VAV2: variants seen among roughly 807,000 people sequenced by gnomAD.
VAV2 encodes guanine nucleotide exchange factor VAV2.
In VAV2, 67 loss-of-function variants were observed where a neutral mutation model predicts 132.5. The observed-to-expected ratio is 0.51, with a 90% CI of 0.42 to 0.62. The LOEUF (loss-of-function observed/expected upper bound fraction) is 0.62. Among genes scored for constraint, VAV2 ranks in the 20% least tolerant of loss-of-function variants. The pLI is 0.00. For missense variants in VAV2, 938 were observed against 1,153.6 expected (o/e 0.81, Z 2.71); for synonymous variants, 492 against 443.5 (o/e 1.11, Z -1.37).
intron 3 of VAV2, among the ~76,000 whole-genome samples, chr9:133,848,480 G>A (rs1837037421): frequency 6.6e-6 from 1 of 152,184 alleles, no homozygotes; most frequent in Non-Finnish European, 1.5e-5. Context: ...CAGCTTGTGA[G>A]TGTTCAAAGT....
intron 1 of VAV2, among the ~76,000 whole-genome samples, chr9:133,947,744 C>A (rs1283894649): frequency 6.6e-6 from 1 of 150,920 alleles, no homozygotes; most frequent in Non-Finnish European, 1.5e-5. Flanking sequence ...TCATCATGAA[C>A]ACTGAGAGGC....
At chr9:133,905,614 G>C (rs757363862) in intron 2 of VAV2, among the ~76,000 whole-genome samples, 26 of 152,050 alleles carry the variant, frequency 1.7e-4, no homozygotes, top group Non-Finnish European at 2.2e-4. Flanking sequence ...GACTGAAGCA[G>C]CACAGAAATG....
At position 133,769,663 on chromosome 9, in the gene VAV2, A is replaced by G. The variant is rs1272210915; in HGVS notation, c.2348-160T>C. ...GAGGCAGGGGGCAGCACGGGTTGTC[A>G]AGCCCCACCCAGGCACAGGTGCCAC... On this transcript the variant is annotated intron_variant, in intron 27 of 29. Transcript: ENST00000371850. The surrounding 1 kb of genome is among the most constrained non-coding windows in gnomAD (Gnocchi z 8.1). 6.6e-6 allele frequency among the ~76,000 whole-genome samples: 1 copy of G among 152,138 alleles called. No homozygotes were observed. The highest frequency in any genetic ancestry group is 1.5e-5 in the Non-Finnish European group (1 of 67,998).
At chr9:133,939,792 A>T (rs1014078357) in intron 1 of VAV2, among the ~76,000 whole-genome samples, 1 of 152,256 alleles carries the variant, frequency 6.6e-6, no homozygotes, top group African/African-American at 2.4e-5. Context: ...CAAAGCCAAC[A>T]GCCAGGGGCC....
At chr9:133,785,210 T>C (rs962916634) in intron 17 of VAV2, among the ~76,000 whole-genome samples, 1 of 152,174 alleles carries the variant, frequency 6.6e-6, no homozygotes, top group African/African-American at 2.4e-5. Context: ...CGAGTGCACC[T>C]GCCTGCAGGC....
At position 133,946,688 on chromosome 9, in the gene VAV2, T is replaced by A. The variant is rs796985571; in HGVS notation, c.205-7469A>T. Among the ~76,000 whole-genome samples the A allele has an allele frequency of 8.5e-5, 13 of 152,378 alleles. 1 individual carries two copies. The highest frequency in any genetic ancestry group is 2.6e-4 in the African/African-American group (11 of 41,584). On this transcript the variant is annotated intron_variant, in intron 1 of 29. Coordinates refer to ENST00000371850, the MANE Select transcript of VAV2 (RefSeq NM_001134398.2). ...CGTCGTGCTGATCAGAAGCTCTGACTGGCAGCTGAGGATGTCTTTGATCAA... is the reference window on the plus strand; with the variant it reads ...CGTCGTGCTGATCAGAAGCTCTGACAGGCAGCTGAGGATGTCTTTGATCAA...
chr9:133,864,847 A>G (rs1837738813), intron 2 of VAV2, among the ~76,000 whole-genome samples: 1 of 152,230 alleles, frequency 6.6e-6, no homozygotes, highest in Non-Finnish European at 1.5e-5. Context: ...TGGACAGGGA[A>G]GCAGAGGGTT....
At position 133,969,301 on chromosome 9, in the gene VAV2, G is replaced by T. The variant is rs555004448; in HGVS notation, c.204+22774C>A. ...GGCATGGTAGAGAATACAACGAACAGGGAAGGAGGGAGGATCTGGAATTCA... is the reference window on the plus strand; with the variant it reads ...GGCATGGTAGAGAATACAACGAACATGGAAGGAGGGAGGATCTGGAATTCA... On this transcript the variant is annotated intron_variant, in intron 1 of 29. Transcript: ENST00000371850. The surrounding 1 kb of genome is among the most constrained non-coding windows in gnomAD (Gnocchi z 5.1). Among the ~76,000 whole-genome samples, 1 of 152,184 alleles carries T rather than the reference G, an allele frequency of 6.6e-6. No individual in the cohort carries two copies. Among genetic ancestry groups the T allele is most frequent in the Non-Finnish European group, 1.5e-5 (1 of 68,034 alleles).
In VAV2 at chr9:133,854,344, C is replaced by T. The variant is rs115282649; in HGVS notation, c.380+7030G>A. Among the ~76,000 whole-genome samples, 542 of 152,372 alleles carry T rather than the reference C, an allele frequency of 3.6e-3. 9 individuals are homozygous for T. The highest frequency in any genetic ancestry group is 0.013 in the African/African-American group (526 of 41,592). On this transcript the variant is annotated intron_variant, in intron 3 of 29. Transcript: ENST00000371850. ...CCATGTGCACATGTACATACACACA[C>T]GCGCACACCCATACACACGCACCAT...
intron 2 of VAV2, among the ~76,000 whole-genome samples, chr9:133,932,285 G>C (rs1480960323): frequency 6.6e-6 from 1 of 152,226 alleles, no homozygotes; most frequent in Non-Finnish European, 1.5e-5. Flanking sequence ...TCTACAGGCC[G>C]TGGCGGGGAG....
rs146206016 is a variant in VAV2 at position 133,879,735 on chromosome 9, G to T, written c.322-18303C>A. Among the ~76,000 whole-genome samples, 1 of 152,032 alleles carries T rather than the reference G, an allele frequency of 6.6e-6. No individual in the cohort carries two copies. The highest frequency in any genetic ancestry group is 1.9e-4 in the East Asian group (1 of 5,166). Reference sequence around the variant, plus strand: ...CAGAACCTATCCGAGAATCCCTACCGCCTTGCGAGCTGCAAGTCCGATCTG... The same window carrying T: ...CAGAACCTATCCGAGAATCCCTACCTCCTTGCGAGCTGCAAGTCCGATCTG... On this transcript the variant is annotated intron_variant, in intron 2 of 29. Transcript: ENST00000371850. This position sits in a 1 kb window ranked among gnomAD's most constrained non-coding sequence, Gnocchi z 4.4.
intron 3 of VAV2, among the ~76,000 whole-genome samples, chr9:133,847,034 G>C (rs1485300731): frequency 6.6e-6 from 1 of 152,192 alleles, no homozygotes; most frequent in African/African-American, 2.4e-5. Context: ...GCCCTGGGTG[G>C]GATGGGGCTG....
rs569085153 is a variant in VAV2, at chr9:133,829,167, G to A, written c.449+5105C>T. ...GTGCCTGCCAAGGAAAAGCCATTAT[G>A]CAAATGCAAGGTACTGATTATTAGA... On this transcript the variant is annotated intron_variant, in intron 4 of 29. Coordinates refer to ENST00000371850, the MANE Select transcript of VAV2 (RefSeq NM_001134398.2). 5.3e-5 allele frequency among the ~76,000 whole-genome samples: 8 copies of A among 152,364 alleles called. No homozygotes were observed. In the South Asian group the frequency reaches 1.7e-3, roughly 32 times the overall value.
At chr9:133,898,497 G>A (rs2810483) in intron 2 of VAV2, among the ~76,000 whole-genome samples, 137,128 of 151,706 alleles carry the variant, frequency 0.9, 63,209 homozygotes, top group East Asian at 1. Flanking sequence ...AGGAGGCTGA[G>A]GCAGGAGAAT....
rs114506581 is a variant in VAV2 at position 133,969,900 on chromosome 9, C to T, written c.204+22175G>A. 0.027 allele frequency among the ~76,000 whole-genome samples: 4,124 copies of T among 152,180 alleles called. 83 individuals carry two copies. Among genetic ancestry groups the T allele is most frequent in the Middle Eastern group, 0.058 (17 of 294 alleles). ...AGCTTTCCAAAGCCAAATCTGAGCA[C>T]GCCACATCTGCACCAACCCTGCCCA... On this transcript the variant is annotated intron_variant, in intron 1 of 29. Transcript: ENST00000371850. The surrounding 1 kb of genome is among the most constrained non-coding windows in gnomAD (Gnocchi z 5.1).
intron 1 of VAV2, among the ~76,000 whole-genome samples, chr9:133,966,267 G>A (rs969900527): frequency 1.3e-5 from 2 of 152,108 alleles, no homozygotes; most frequent in African/African-American, 2.4e-5. Context: ...AGAACAAAAC[G>A]AAAAATAGAC....
At chr9:133,976,003 C>T (rs1209224117) in intron 1 of VAV2, among the ~76,000 whole-genome samples, 1 of 151,256 alleles carries the variant, frequency 6.6e-6, no homozygotes, top group Non-Finnish European at 1.5e-5. Context: ...CAAGACCAGC[C>T]TGGACAAGAT....
chr9:133,807,374 C>CT, intron 7 of VAV2, 48 bp from the exon 8 acceptor site: 1 of 1,540,374 alleles, frequency 6.5e-7, no homozygotes, highest in Middle Eastern at 1.7e-4. Context: ...GTTGCCCACC[C>CT]TCTCAAGGTC....
At chr9:133,861,570 C>T (rs1032434022) in intron 2 of VAV2, 138 bp from the exon 3 acceptor site, 28 of 891,186 alleles carry the variant, frequency 3.1e-5, no homozygotes, top group Non-Finnish European at 4.1e-5. Context: ...CACGGCATAG[C>T]GTTTTGTAGG....
Sources: allele counts gnomAD v4.1 joint callset (sites outside exome capture counted in the v4.1 genomes callset), GRCh38; gene constraint gnomAD v4.1.1; non-coding constraint Gnocchi (gnomAD v3.1); transcripts MANE v1.5; gene names NCBI Gene and HGNC (gene_info 2026-07-23, HGNC 2026-07-21).